The following ULK4 variants were observed in gnomAD, a reference collection of about 807,000 sequenced individuals.
The protein encoded by ULK4 is unc-51 like kinase 4.
Under a neutral mutation model 160.6 loss-of-function variants are expected in ULK4, and 133 were observed. The ratio of observed to expected loss-of-function variants is 0.83; its 90% confidence interval spans 0.72 to 0.96. The LOEUF is 0.96. Among genes scored for constraint, ULK4 ranks in the 40% least tolerant of loss-of-function variants. ULK4 has a pLI of 0.00. For missense variants in ULK4, 1,580 were observed against 1,499.5 expected, an observed-to-expected ratio of 1.05 and a Z score of -0.89; for synonymous variants, 534 against 539.8, an observed-to-expected ratio of 0.99 and a Z score of 0.15.
At chr3:41,252,609 G>GAAAAAAAAAAAA (rs35292590) in intron 35 of ULK4, among the ~76,000 whole-genome samples, 1 of 104,524 alleles carries the variant, frequency 9.6e-6, no homozygotes, top group African/African-American at 3.9e-5. Context: ...AGCAGAGATT[G>GAAAAAAAAAAAA]AAAAAAAAAA....
chr3:41,532,226 T>C (rs764440013), intron 32 of ULK4, among the ~76,000 whole-genome samples: 3 of 152,242 alleles, frequency 2.0e-5, no homozygotes, highest in African/African-American at 4.8e-5. Flanking sequence ...TCCACTGATA[T>C]GCCAGGTGTG....
At chr3:41,388,463 GA>G (rs1482399045) in intron 35 of ULK4, among the ~76,000 whole-genome samples, 2 of 151,990 alleles carry the variant, frequency 1.3e-5, no homozygotes, top group African/African-American at 2.4e-5. Context: ...CCTATGTCCT[GA>G]ATGGTATTGC....
intron 30 of ULK4, among the ~76,000 whole-genome samples, chr3:41,628,181 G>A (rs1482530500): frequency 6.6e-6 from 1 of 152,126 alleles, no homozygotes; most frequent in African/African-American, 2.4e-5. Flanking sequence ...AACTGTCACA[G>A]GTCTATGACA....
At chr3:41,370,877 C>A (rs1186712286) in intron 35 of ULK4, among the ~76,000 whole-genome samples, 1 of 152,214 alleles carries the variant, frequency 6.6e-6, no homozygotes, top group East Asian at 1.9e-4. Context: ...TGGAGCCCAG[C>A]AAGCTAAGAT....
chr3:41,562,963 G>C (rs2087649797), intron 32 of ULK4, among the ~76,000 whole-genome samples: 1 of 152,160 alleles, frequency 6.6e-6, no homozygotes, highest in Non-Finnish European at 1.5e-5. Flanking sequence ...CATCGATGGT[G>C]TTTGCAATTT....
intron 30 of ULK4, among the ~76,000 whole-genome samples, chr3:41,624,986 G>T (rs976520014): frequency 5.3e-5 from 8 of 152,046 alleles, no homozygotes; most frequent in African/African-American, 1.9e-4. Context: ...TTTCTGTATT[G>T]TTTTCTATGA....
At chr3:41,644,169 T>C (rs1261557369) in intron 30 of ULK4, among the ~76,000 whole-genome samples, 6 of 152,182 alleles carry the variant, frequency 3.9e-5, no homozygotes, top group South Asian at 2.1e-4. Context: ...TTTTTCCTAA[T>C]TGAATACCCT....
chr3:41,822,009 C>G (rs1452230432), intron 18 of ULK4, among the ~76,000 whole-genome samples: 2 of 152,162 alleles, frequency 1.3e-5, no homozygotes, highest in African/African-American at 4.8e-5. Flanking sequence ...GCGTTGCTTA[C>G]TCTCATCCAG....
intron 31 of ULK4, among the ~76,000 whole-genome samples, chr3:41,590,468 A>ATAC (rs2031210915): frequency 6.9e-6 from 1 of 144,774 alleles, no homozygotes; most frequent in Non-Finnish European, 1.5e-5. Context: ...ATACAAAAAA[A>ATAC]AAAAAAAAAA....
intron 35 of ULK4, among the ~76,000 whole-genome samples, chr3:41,316,268 A>T (rs1432092661): frequency 1.3e-5 from 2 of 152,202 alleles, no homozygotes; most frequent in Non-Finnish European, 2.9e-5. Flanking sequence ...ATACTAAGTG[A>T]AAGAGGTCAG....
intron 18 of ULK4, among the ~76,000 whole-genome samples, chr3:41,832,958 A>G (rs1014650654): frequency 6.6e-6 from 1 of 151,870 alleles, no homozygotes; most frequent in African/African-American, 2.4e-5. Flanking sequence ...GTTTAAAGTC[A>G]GGCAGTGTGA....
intron 32 of ULK4, among the ~76,000 whole-genome samples, chr3:41,488,722 T>G (rs572502435): frequency 1.2e-4 from 18 of 152,204 alleles, no homozygotes; most frequent in African/African-American, 4.3e-4. Flanking sequence ...TTCTGACACT[T>G]TTGTAAGGTT....
chr3:41,478,403 A>G (rs1396496037), intron 32 of ULK4, among the ~76,000 whole-genome samples: 1 of 152,242 alleles, frequency 6.6e-6, no homozygotes, highest in Non-Finnish European at 1.5e-5. Context: ...TACTTTCCTA[A>G]GAAAATTTTG....
chr3:41,667,229 A>G (rs2035376628), intron 29 of ULK4, among the ~76,000 whole-genome samples: 1 of 152,092 alleles, frequency 6.6e-6, no homozygotes, highest in Non-Finnish European at 1.5e-5. Context: ...AAGTGTCTTG[A>G]GGTCGTTTGA....
At chr3:41,619,990 T>A (rs149816589) in intron 30 of ULK4, among the ~76,000 whole-genome samples, 1 of 152,052 alleles carries the variant, frequency 6.6e-6, no homozygotes, top group Non-Finnish European at 1.5e-5. Flanking sequence ...AAAACCTCTA[T>A]GCAAATAAAC....
At chr3:41,639,911 C>T (rs570130103) in intron 30 of ULK4, among the ~76,000 whole-genome samples, 5 of 152,074 alleles carry the variant, frequency 3.3e-5, no homozygotes, top group East Asian at 1.9e-4. Context: ...TAATGATACC[C>T]GTGATGACTG....
At chr3:41,760,953 G>T (rs959601915) in intron 21 of ULK4, among the ~76,000 whole-genome samples, 1 of 152,226 alleles carries the variant, frequency 6.6e-6, no homozygotes, top group Non-Finnish European at 1.5e-5. Context: ...TGACATGGAT[G>T]AATCTCACCT....
chr3:41,435,187 T>G (rs1398025905), intron 34 of ULK4, among the ~76,000 whole-genome samples: 2 of 152,232 alleles, frequency 1.3e-5, no homozygotes, highest in African/African-American at 2.4e-5. Flanking sequence ...CTCTGTAAAG[T>G]GGGTGGTTAT....
Position 41,819,492 on chromosome 3 carries a change from CTT to C in ULK4, c.1777_1778del (p.Lys593GlufsTer3), listed in dbSNP as rs76318575. ...GAACAGCCCAGCACTCTCTAGGGTT[CTT>C]TTTTTTTTCTTCCTAAAATGAAGTG... ...YLVATQEEKK[K>X]NPRECWAVPL... On this transcript the variant is annotated frameshift_variant, in exon 19 of 37. Coordinates refer to ENST00000301831, the MANE Select transcript of ULK4 (RefSeq NM_017886.4). LOFTEE classifies it high-confidence loss of function. 2.1e-6 allele frequency: 3 copies of C among 1,460,740 alleles called. No homozygotes were observed. Among genetic ancestry groups the C allele is most frequent in the Admixed American group, 1.9e-5 (1 of 52,892 alleles). 90.5% of individuals were successfully genotyped at this position (1,460,740 alleles called of 1,614,324 possible).
Sources: allele counts gnomAD v4.1 joint callset (sites outside exome capture counted in the v4.1 genomes callset), GRCh38; gene constraint gnomAD v4.1.1; transcripts MANE v1.5; gene names NCBI Gene and HGNC (gene_info 2026-07-23, HGNC 2026-07-21).